Variants in STAC observed in about 807,000 individuals in gnomAD.
The protein encoded by STAC is SH3 and cysteine-rich domain-containing protein.
A neutral mutation model predicts 48.8 loss-of-function variants in STAC; 43 were observed. That is an observed-to-expected ratio of 0.88 (90% CI 0.69 to 1.14). The LOEUF is 1.14. Among genes scored for constraint, STAC ranks in the 50% most tolerant of loss-of-function variants. STAC has a pLI of 0.00. For synonymous variants in STAC, 193 were observed against 179.5 expected (o/e 1.07, Z -0.60); for missense variants, 497 against 504.0 (o/e 0.99, Z 0.13).
intron 1 of STAC, among the ~76,000 whole-genome samples, chr3:36,417,152 CAA>C (rs1477276181): frequency 6.6e-6 from 1 of 152,114 alleles, no homozygotes; most frequent in Non-Finnish European, 1.5e-5. Flanking sequence ...TCTGCATGGA[CAA>C]GAGTGTAGGA....
In STAC at chr3:36,546,655, C is replaced by T. The variant is rs960437674; in HGVS notation, c.*366C>T. 10 of 282,858 alleles carry T rather than the reference C, an allele frequency of 3.5e-5. No individual in the cohort carries two copies. Among genetic ancestry groups the T allele is most frequent in the Non-Finnish European group, 6.8e-5 (10 of 147,794 alleles). The allele number at this position is 282,858 out of a possible 1,614,324, so 17.5% of individuals were successfully genotyped here. ...CTCCAGTTTGCAGGGTAGCCCAGTG[C>T]AAGGTTCAGATCCATGTAGCTAAGT... On this transcript the variant is annotated 3_prime_UTR_variant, in exon 11 of 11. Transcript: ENST00000273183.
rs768923739 is a variant in STAC, at chr3:36,483,015, C to T, written c.412C>T (p.Arg138Cys). The T allele has an allele frequency of 2.9e-5, 46 of 1,613,900 alleles. No homozygotes were observed. Among genetic ancestry groups the T allele is most frequent in the Non-Finnish European group, 3.4e-5 (40 of 1,179,894 alleles). Residue 138 changes from arginine to cysteine, a missense_variant, in exon 3 of 11, where the codon CGC (arginine) becomes TGC (cysteine). Coordinates refer to ENST00000273183, the MANE Select transcript of STAC (RefSeq NM_003149.3). ...AGGAACAAATGCTAAGCATGGACTG[C>T]GCTGCAAAGCCTGTAAGATGAGCAT... Reference protein sequence around the residue: ...IVGTNAKHGLRCKACKMSIHH... With the variant: ...IVGTNAKHGLCCKACKMSIHH...
intron 1 of STAC, among the ~76,000 whole-genome samples, chr3:36,416,646 T>A (rs1700327195): frequency 6.6e-6 from 1 of 152,236 alleles, no homozygotes; most frequent in African/African-American, 2.4e-5. Flanking sequence ...TCTTGCATCA[T>A]GCCTCTGACA....
At position 36,460,396 on chromosome 3, in the gene STAC, C is replaced by T. The variant is rs959718970; in HGVS notation, c.388+16756C>T. 2.0e-5 allele frequency among the ~76,000 whole-genome samples: 3 copies of T among 152,040 alleles called. No individual in the cohort carries two copies. The South Asian group carries it at 6.2e-4, about 32-fold the overall frequency. ...ACAAATTTTTTTAATAGGTCACTGG[C>T]AATATTTGGGACACACTTGTCCCAT... On this transcript the variant is annotated intron_variant, in intron 2 of 10. Transcript: ENST00000273183.
chr3:36,509,495 G>A (rs1358396708), intron 8 of STAC, among the ~76,000 whole-genome samples: 2 of 152,066 alleles, frequency 1.3e-5, no homozygotes, highest in African/African-American at 4.8e-5. Flanking sequence ...CCTGAAGAGT[G>A]TTTTCCAACT....
intron 1 of STAC, among the ~76,000 whole-genome samples, chr3:36,442,878 G>A (rs1369820958): frequency 1.3e-5 from 2 of 151,926 alleles, no homozygotes; most frequent in African/African-American, 2.4e-5. Context: ...ATAGTTTAGC[G>A]AGATGGATTT....
intron 8 of STAC, among the ~76,000 whole-genome samples, chr3:36,513,649 G>A (rs1698597722): frequency 6.6e-6 from 1 of 152,020 alleles, no homozygotes; most frequent in South Asian, 2.1e-4. Flanking sequence ...CTAACTTTCT[G>A]AATCTGTTTT....
Position 36,501,481 on chromosome 3 carries a change from T to C in STAC, c.767-2912T>C, listed in dbSNP as rs530787748. Among the ~76,000 whole-genome samples, 7 of 151,898 alleles carry C rather than the reference T, an allele frequency of 4.6e-5. No individual in the cohort carries two copies. In the South Asian group the frequency reaches 1.5e-3, roughly 32 times the overall value. On this transcript the variant is annotated intron_variant, in intron 6 of 10. Transcript: ENST00000273183. ...ACAAAAAAGAGAAACATAACAGAGA[T>C]TGAAAAGAAAACCAAAGAATTTTAT...
chr3:36,522,351 A>G (rs1226067223), intron 8 of STAC, among the ~76,000 whole-genome samples: 3 of 152,174 alleles, frequency 2.0e-5, no homozygotes, highest in Non-Finnish European at 4.4e-5. Flanking sequence ...GAAGGCAGTA[A>G]CTATGTCTTT....
At chr3:36,506,811 A>G (rs1698413790) in intron 8 of STAC, among the ~76,000 whole-genome samples, 2 of 152,168 alleles carry the variant, frequency 1.3e-5, no homozygotes, top group Admixed American at 1.3e-4. Flanking sequence ...CTATCAGCTT[A>G]AGGAGATTTT....
chr3:36,485,011 T>A lies in STAC; in HGVS notation c.524T>A (p.Leu175Ter). 6.2e-7 allele frequency: 1 copy of A among 1,604,984 alleles called. No homozygotes were observed. The highest frequency in any genetic ancestry group is 8.5e-7 in the Non-Finnish European group (1 of 1,175,938). Reference sequence around the variant, plus strand: ...TTTCGGCGTTACTACAGCTCCCCCTTGCTCATTCATGAACAGTTTGGCTGC... The same window carrying A: ...TTTCGGCGTTACTACAGCTCCCCCTAGCTCATTCATGAACAGTTTGGCTGC... ...KGFRRYYSSP[L>*]LIHEQFGCIK... Residue 175 changes from leucine to a stop codon, truncating the protein, a stop_gained, in exon 4 of 11, where the codon TTG becomes TAG. Transcript: ENST00000273183. LOFTEE classifies it high-confidence loss of function.
intron 1 of STAC, among the ~76,000 whole-genome samples, chr3:36,413,951 T>C (rs1700256080): frequency 6.6e-6 from 1 of 152,210 alleles, no homozygotes; most frequent in Non-Finnish European, 1.5e-5. Context: ...TTTGACTGGA[T>C]ATGAAATTCT....
At chr3:36,459,175 A>G (rs1260374785) in intron 2 of STAC, 2 of 152,218 alleles carry the variant, frequency 1.3e-5, no homozygotes, top group Non-Finnish European at 2.9e-5. Context: ...AGTTTCTTGC[A>G]TACATATTCA....
chr3:36,417,662 G>A (rs1575185441), intron 1 of STAC, among the ~76,000 whole-genome samples: 1 of 152,286 alleles, frequency 6.6e-6, no homozygotes, highest in Admixed American at 6.5e-5. Context: ...GAATGTGGAT[G>A]TTTCTATATT....
At chr3:36,410,647 G>A (rs2125634491) in intron 1 of STAC, among the ~76,000 whole-genome samples, 1 of 152,244 alleles carries the variant, frequency 6.6e-6, no homozygotes, top group South Asian at 2.1e-4. Context: ...TCTTTTTGCT[G>A]TCTATATTAA....
chr3:36,436,973 A>G (rs1439485885), intron 1 of STAC, among the ~76,000 whole-genome samples: 3 of 151,938 alleles, frequency 2.0e-5, no homozygotes, highest in African/African-American at 7.3e-5. Context: ...AAGGACATGA[A>G]CAGACACTTC....
intron 5 of STAC, among the ~76,000 whole-genome samples, chr3:36,490,013 A>C (rs939250649): frequency 6.6e-6 from 1 of 152,226 alleles, no homozygotes; most frequent in Non-Finnish European, 1.5e-5. Context: ...TTCCATTTTA[A>C]AAACCCCTCC....
intron 1 of STAC, among the ~76,000 whole-genome samples, chr3:36,430,015 G>C (rs1700662005): frequency 6.6e-6 from 1 of 152,170 alleles, no homozygotes; most frequent in Admixed American, 6.5e-5. Context: ...TTCAAGATGA[G>C]AGAAGGGAGG....
intron 1 of STAC, among the ~76,000 whole-genome samples, chr3:36,420,407 C>G (rs976512765): frequency 6.6e-6 from 1 of 152,188 alleles, no homozygotes; most frequent in Non-Finnish European, 1.5e-5. Flanking sequence ...GTCCCCAACC[C>G]CTGGGCCACG....
Sources: allele counts gnomAD v4.1 joint callset (sites outside exome capture counted in the v4.1 genomes callset), GRCh38; gene constraint gnomAD v4.1.1; transcripts MANE v1.5; gene names NCBI Gene and HGNC (gene_info 2026-07-23, HGNC 2026-07-21).